ZRANB3: variants seen among roughly 807,000 people sequenced by gnomAD.
The protein encoded by ZRANB3 is zinc finger RANBP2-type containing 3, also known as DNA annealing helicase and endonuclease ZRANB3.
ZRANB3 carries 125 observed loss-of-function variants against 133.8 expected under a neutral mutation model. That is an observed-to-expected ratio of 0.93 (90% CI 0.81 to 1.08). The LOEUF is 1.08. Ranked by LOEUF, ZRANB3 falls within the 50% of genes least tolerant of loss-of-function variation. The pLI is 0.00. For missense variants in ZRANB3, 1,229 were observed against 1,275.5 expected (o/e 0.96, Z 0.56); for synonymous variants, 387 against 432.7 (o/e 0.89, Z 1.31).
intron 6 of ZRANB3, among the ~76,000 whole-genome samples, chr2:135,333,255 A>G (rs1288307956): frequency 9.2e-5 from 14 of 152,144 alleles, no homozygotes; most frequent in Admixed American, 7.9e-4. Flanking sequence ...TAAACTGTAC[A>G]AGGCAAACTC....
intron 6 of ZRANB3, among the ~76,000 whole-genome samples, chr2:135,319,745 T>G (rs1683430674): frequency 6.6e-6 from 1 of 152,172 alleles, no homozygotes; most frequent in Non-Finnish European, 1.5e-5. Flanking sequence ...ATTCCTATAC[T>G]AGGTTGGCTA....
intron 8 of ZRANB3, among the ~76,000 whole-genome samples, chr2:135,283,083 G>A (rs1418697303): frequency 6.6e-6 from 1 of 152,054 alleles, no homozygotes; most frequent in Non-Finnish European, 1.5e-5. Flanking sequence ...CCAGGAGTTT[G>A]AGACAAGACT....
chr2:135,488,203 T>G (rs1261303333), intron 2 of ZRANB3, among the ~76,000 whole-genome samples: 2 of 152,164 alleles, frequency 1.3e-5, no homozygotes, highest in African/African-American at 4.8e-5. Flanking sequence ...TTCACCATCT[T>G]ATATGAATTG....
At chr2:135,414,023 G>A (rs1688437582) in intron 2 of ZRANB3, among the ~76,000 whole-genome samples, 1 of 151,918 alleles carries the variant, frequency 6.6e-6, no homozygotes, top group African/African-American at 2.4e-5. Context: ...AGACCATCGA[G>A]ACTAGGAAGA....
intron 2 of ZRANB3, among the ~76,000 whole-genome samples, chr2:135,480,560 C>G (rs960076440): frequency 6.6e-6 from 1 of 151,984 alleles, no homozygotes; most frequent in African/African-American, 2.4e-5. Context: ...ATGAAATCTT[C>G]TCTTATCCTT....
At chr2:135,220,500 C>T (rs972702629) in intron 15 of ZRANB3, among the ~76,000 whole-genome samples, 38 of 151,838 alleles carry the variant, frequency 2.5e-4, no homozygotes, top group African/African-American at 8.4e-4. Context: ...GAGTTCGAGA[C>T]GAGCCTGACC....
rs78980926 is a variant in ZRANB3, at chr2:135,529,572, G to C, written c.-8+1555C>G. On this transcript the variant is annotated intron_variant, in intron 1 of 20. Transcript: ENST00000264159. Reference sequence around the variant, plus strand: ...GGCTGGAGTGCAGTGGCGCGATCTCGGGTCACTGTAACCACTTCCGAAGTT... The same window carrying C: ...GGCTGGAGTGCAGTGGCGCGATCTCCGGTCACTGTAACCACTTCCGAAGTT... Among the ~76,000 whole-genome samples the C allele has an allele frequency of 7.0e-3, 1,069 of 152,052 alleles. 11 individuals carry two copies. The highest frequency in any genetic ancestry group is 0.024 in the African/African-American group (1,001 of 41,492).
At chr2:135,442,795 C>T (rs1574110192) in intron 2 of ZRANB3, among the ~76,000 whole-genome samples, 2 of 152,076 alleles carry the variant, frequency 1.3e-5, no homozygotes, top group African/African-American at 4.8e-5. Flanking sequence ...TGGAACCAAC[C>T]CAAATGTCCA....
chr2:135,211,728 G>A (rs1028530474), intron 17 of ZRANB3, among the ~76,000 whole-genome samples: 1 of 152,042 alleles, frequency 6.6e-6, no homozygotes, highest in Non-Finnish European at 1.5e-5. Context: ...ATGGCTCCAT[G>A]TTATTCCATT....
intron 2 of ZRANB3, among the ~76,000 whole-genome samples, chr2:135,439,983 C>T (rs1293093516): frequency 6.6e-6 from 1 of 152,110 alleles, no homozygotes; most frequent in African/African-American, 2.4e-5. Context: ...GACTGCCAGA[C>T]TTTGGATATA....
At chr2:135,257,538 A>G (rs1679721856) in intron 12 of ZRANB3, among the ~76,000 whole-genome samples, 1 of 152,216 alleles carries the variant, frequency 6.6e-6, no homozygotes, top group Admixed American at 6.5e-5. Flanking sequence ...ATCATTTTAC[A>G]TTCCAATCAA....
At chr2:135,273,238 A>C (rs991040752) in intron 9 of ZRANB3, among the ~76,000 whole-genome samples, 4 of 152,028 alleles carry the variant, frequency 2.6e-5, no homozygotes, top group African/African-American at 9.7e-5. Context: ...AACTTCTAAA[A>C]ATGATAACTC....
chr2:135,406,928 C>G (rs1009257313), intron 2 of ZRANB3, among the ~76,000 whole-genome samples: 15 of 152,296 alleles, frequency 9.8e-5, no homozygotes, highest in South Asian at 6.2e-4. Flanking sequence ...GGGATGCCCT[C>G]TCTCACCACT....
chr2:135,485,686 G>A lies in ZRANB3; in HGVS notation c.161+18643C>T, dbSNP rs373344413. Among the ~76,000 whole-genome samples the A allele has an allele frequency of 6.0e-4, 91 of 152,254 alleles. No homozygotes were observed. In the South Asian group the frequency reaches 0.016, roughly 27 times the overall value. On this transcript the variant is annotated intron_variant, in intron 2 of 20. Coordinates refer to ENST00000264159, the MANE Select transcript of ZRANB3 (RefSeq NM_032143.4). ...AGATCACGTCAACAAAGCTAATGTC[G>A]TAAAAAGGTGAGTCACACAGACTTG...
intron 2 of ZRANB3, among the ~76,000 whole-genome samples, chr2:135,443,292 C>A (rs1689867701): frequency 6.8e-6 from 1 of 147,366 alleles, no homozygotes; most frequent in Admixed American, 7.2e-5. Flanking sequence ...CCAAACACTG[C>A]ATGTTCTCAC....
chr2:135,510,573 C>T, intron 1 of ZRANB3: 1 of 715,552 alleles, frequency 1.4e-6, no homozygotes, highest in Non-Finnish European at 2.5e-6. Flanking sequence ...GCCTTCTTCC[C>T]ACTCCAAATC....
At chr2:135,529,890 A>G (rs1370313200) in intron 1 of ZRANB3, among the ~76,000 whole-genome samples, 2 of 151,836 alleles carry the variant, frequency 1.3e-5, no homozygotes, top group Non-Finnish European at 2.9e-5. Flanking sequence ...CTTCAAACAG[A>G]AAAGCCCTTT....
At chr2:135,323,020 A>C (rs1683615313) in intron 6 of ZRANB3, among the ~76,000 whole-genome samples, 1 of 146,518 alleles carries the variant, frequency 6.8e-6, no homozygotes, top group Non-Finnish European at 1.5e-5. Context: ...CAAAAAAAAA[A>C]ATTTTTTTTT....
chr2:135,200,330 T>C lies in ZRANB3; in HGVS notation c.*12A>G, dbSNP rs764436007. On this transcript the variant is annotated 3_prime_UTR_variant, in exon 21 of 21. Transcript: ENST00000264159. ...GTAAACCATTTGTCATTCATTCATA[T>C]ATTTTTCTACTTTACTTCTTTACCA... The C allele has an allele frequency of 1.3e-6, 2 of 1,569,726 alleles. No homozygotes were observed. The highest frequency in any genetic ancestry group is 1.7e-6 in the Non-Finnish European group (2 of 1,153,644).
Sources: gnomAD v4.1 joint callset for allele counts (sites outside exome capture counted in the v4.1 genomes callset) on GRCh38, gnomAD v4.1.1 for gene constraint, MANE v1.5 for transcripts, NCBI Gene and HGNC (gene_info 2026-07-23, HGNC 2026-07-21) for gene names.